TG: variants seen among roughly 807,000 people sequenced by gnomAD.
The protein encoded by TG is thyroglobulin.
TG carries 270 observed loss-of-function variants against 324.7 expected under a neutral mutation model. The ratio of observed to expected loss-of-function variants is 0.83; its 90% confidence interval spans 0.75 to 0.92. The LOEUF (loss-of-function observed/expected upper bound fraction) is 0.92. Ranked by LOEUF, TG falls within the 40% of genes least tolerant of loss-of-function variation. The pLI, the probability that TG is intolerant of heterozygous loss-of-function variation, is 0.00. For synonymous variants in TG, 1,401 were observed against 1,327.0 expected (o/e 1.06, Z -1.21); for missense variants, 3,591 against 3,456.4 (o/e 1.04, Z -0.98).
At chr8:132,994,108 A>G (rs994469808) in intron 35 of TG, among the ~76,000 whole-genome samples, 5 of 152,278 alleles carry the variant, frequency 3.3e-5, no homozygotes, top group African/African-American at 9.6e-5. Flanking sequence ...CTCATCTAGA[A>G]TGGCAATCCC....
chr8:133,107,666 A>G (rs1158068225), intron 43 of TG, among the ~76,000 whole-genome samples: 1 of 152,156 alleles, frequency 6.6e-6, no homozygotes, highest in East Asian at 1.9e-4. Context: ...ATCTCCCACT[A>G]TTTGGGAGAC....
At chr8:132,956,249 A>G (rs1462285416) in intron 27 of TG, among the ~76,000 whole-genome samples, 1 of 152,158 alleles carries the variant, frequency 6.6e-6, no homozygotes, top group African/African-American at 2.4e-5. Context: ...TCTGTGTATC[A>G]TTCATTGTTT....
rs199728785 is a variant in TG, at chr8:132,969,451, T to C, written c.5864-7T>C. 1.7e-4 allele frequency: 276 copies of C among 1,594,828 alleles called. 1 individual carries two copies. Among genetic ancestry groups the C allele is most frequent in the Non-Finnish European group, 2.3e-4 (262 of 1,162,552 alleles). On this transcript the variant is annotated splice_polypyrimidine_tract_variant and splice_region_variant and intron_variant, in intron 31 of 47. Transcript: ENST00000220616. ...AAGTAATGTATTTTCTTTCTTCCTC[T>C]ATGAAGTTATACTGGAAGATAAAGT...
At chr8:133,016,962 A>G (rs1434350693) in intron 37 of TG, among the ~76,000 whole-genome samples, 1 of 152,210 alleles carries the variant, frequency 6.6e-6, no homozygotes, top group Non-Finnish European at 1.5e-5. Context: ...CCTTGTGGAC[A>G]AGGAGGGATT....
At chr8:133,041,316 A>C (rs1327126690) in intron 41 of TG, among the ~76,000 whole-genome samples, 1 of 152,218 alleles carries the variant, frequency 6.6e-6, no homozygotes, top group East Asian at 1.9e-4. Flanking sequence ...GCCAAAGAAC[A>C]AAAGGAATTT....
chr8:132,970,696 C>G (rs920752131), intron 32 of TG, among the ~76,000 whole-genome samples: 6 of 152,134 alleles, frequency 3.9e-5, no homozygotes, highest in African/African-American at 1.4e-4. Flanking sequence ...AGGGTTGGAA[C>G]CAGGGATCAG....
intron 16 of TG, among the ~76,000 whole-genome samples, chr8:132,904,134 AG>A (rs914560686): frequency 6.6e-6 from 1 of 152,154 alleles, no homozygotes; most frequent in African/African-American, 2.4e-5. Flanking sequence ...TCTAGGCTTC[AG>A]GGGCCTCATC....
At chr8:132,985,045 T>C (rs566452009) in intron 35 of TG, among the ~76,000 whole-genome samples, 108 of 152,284 alleles carry the variant, frequency 7.1e-4, no homozygotes, top group South Asian at 2.5e-3. Flanking sequence ...TCTAACTACT[T>C]TTTTTCTCAT....
At chr8:132,969,629 T>C (rs1035910305) in intron 32 of TG, 60 bp downstream of exon 32, 66 of 1,259,812 alleles carry the variant, frequency 5.2e-5, no homozygotes, top group Admixed American at 2.4e-4. Context: ...TCAAAGAAGA[T>C]GACACAATCA....
At chr8:133,023,704 A>G (rs1835758381) in intron 40 of TG, among the ~76,000 whole-genome samples, 1 of 152,126 alleles carries the variant, frequency 6.6e-6, no homozygotes, top group Admixed American at 6.5e-5. Context: ...GGCCTGGGGA[A>G]CTTTTCCCAG....
intron 15 of TG, 123 bp from the exon 16 acceptor site, chr8:132,901,230 C>A (rs775254516): frequency 8.3e-5 from 95 of 1,150,954 alleles, no homozygotes; most frequent in Non-Finnish European, 1.2e-4. Context: ...CAGCCCCAGA[C>A]CCCTGGAAGG....
chr8:133,050,878 G>C, intron 41 of TG: 2 of 1,613,898 alleles, frequency 1.2e-6, no homozygotes, highest in Non-Finnish European at 1.7e-6. Flanking sequence ...CAGGAGACGG[G>C]TAGTCACTTA....
chr8:133,057,678 C>A (rs1255210082), intron 41 of TG, among the ~76,000 whole-genome samples: 1 of 151,612 alleles, frequency 6.6e-6, no homozygotes. Context: ...CTATTTCCCT[C>A]AAGTCCTGCT....
At chr8:132,909,404 C>A (rs1819182641) in intron 18 of TG, among the ~76,000 whole-genome samples, 2 of 152,130 alleles carry the variant, frequency 1.3e-5, no homozygotes, top group Non-Finnish European at 1.5e-5. Context: ...GAAATTAAAT[C>A]CCATGCAGAA....
intron 27 of TG, among the ~76,000 whole-genome samples, chr8:132,949,625 C>T (rs937546769): frequency 5.3e-5 from 8 of 152,206 alleles, no homozygotes; most frequent in Non-Finnish European, 8.8e-5. Context: ...TTGTACTGCC[C>T]ACTCTAGTGA....
intron 18 of TG, among the ~76,000 whole-genome samples, chr8:132,909,502 G>A (rs943290437): frequency 2.6e-5 from 4 of 152,214 alleles, no homozygotes; most frequent in African/African-American, 4.8e-5. Flanking sequence ...GCTGGGCAGG[G>A]ACCTAGTCCT....
rs532400865 is a variant in TG at position 133,107,584 on chromosome 8, ATG to A, written c.7573-5832_7573-5831del. On this transcript the variant is annotated intron_variant, in intron 43 of 47. Coordinates refer to ENST00000220616, the MANE Select transcript of TG (RefSeq NM_003235.5). ...TCGGGGCCTCGCCAATCATGAAGGA[ATG>A]TGTGTCCCAGGTCTTGCTGAAAATG... Among the ~76,000 whole-genome samples the A allele has an allele frequency of 5.9e-3, 897 of 152,320 alleles. 3 individuals are homozygous for A. The highest frequency in any genetic ancestry group is 0.019 in the South Asian group (93 of 4,820).
intron 45 of TG, among the ~76,000 whole-genome samples, chr8:133,122,896 C>A (rs1397690515): frequency 6.6e-6 from 1 of 152,134 alleles, no homozygotes; most frequent in African/African-American, 2.4e-5. Context: ...GTCTCTGGAG[C>A]CCTCTGTTTT....
intron 41 of TG, chr8:133,048,965 T>G (rs144842480): frequency 2.4e-5 from 8 of 332,766 alleles, no homozygotes; most frequent in African/African-American, 1.7e-4. Context: ...TTAGTGTTTA[T>G]CAATGGATGC....
Sources: allele counts gnomAD v4.1 joint callset (sites outside exome capture counted in the v4.1 genomes callset), GRCh38; gene constraint gnomAD v4.1.1; transcripts MANE v1.5; gene names NCBI Gene and HGNC (gene_info 2026-07-23, HGNC 2026-07-21).